Variants in DRC11 observed in about 807,000 individuals in gnomAD.
The protein encoded by DRC11 is IQ and AAA domain-containing protein 1.
the DRC11 span, among the ~76,000 whole-genome samples, chr2:236,309,343 T>C: frequency 1.4e-4 from 21 of 152,244 alleles, 1 homozygote; most frequent in South Asian, 3.9e-3. The surrounding 1 kb of genome is among the most constrained non-coding windows in gnomAD (Gnocchi z 5.7). Flanking sequence ...TCAGTCCTAA[T>C]TACCCTTCCT....
chr2:236,320,252 C>T, the DRC11 span, among the ~76,000 whole-genome samples: 1 of 152,180 alleles, frequency 6.6e-6, no homozygotes, highest in Non-Finnish European at 1.5e-5. Context: ...GGTTTACAGC[C>T]CACAGTCTTG....
At chr2:236,485,604 C>T in the DRC11 span, among the ~76,000 whole-genome samples, 8 of 152,212 alleles carry the variant, frequency 5.3e-5, no homozygotes, top group Admixed American at 4.6e-4. Context: ...TGGTCCCCTT[C>T]TCTGGTCATA....
At chr2:236,331,697 T>C in the DRC11 span, 1 of 829,432 alleles carries the variant, frequency 1.2e-6, no homozygotes, top group Non-Finnish European at 1.9e-6. This position sits in a 1 kb window ranked among gnomAD's most constrained non-coding sequence, Gnocchi z 4.8. Context: ...AAGAAAGGAA[T>C]ACACAGAAGT....
chr2:236,392,552 TA>T, the DRC11 span, among the ~76,000 whole-genome samples: 3 of 151,992 alleles, frequency 2.0e-5, no homozygotes, highest in African/African-American at 4.8e-5. The surrounding 1 kb of genome is among the most constrained non-coding windows in gnomAD (Gnocchi z 5.1). Flanking sequence ...GTAAATGCAC[TA>T]AAAAAAGAAA....
the DRC11 span, among the ~76,000 whole-genome samples, chr2:236,435,220 T>C: frequency 1.3e-5 from 2 of 152,270 alleles, no homozygotes; most frequent in Non-Finnish European, 2.9e-5. Context: ...GAGAACTTCA[T>C]GTTACTTAAC....
the DRC11 span, among the ~76,000 whole-genome samples, chr2:236,461,941 C>G: frequency 9.3e-4 from 142 of 152,084 alleles, no homozygotes; most frequent in Non-Finnish European, 1.7e-3. The surrounding 1 kb of genome is among the most constrained non-coding windows in gnomAD (Gnocchi z 4.0). Flanking sequence ...AAAGCACTAT[C>G]AACTTGAACA....
chr2:236,408,294 G>A, the DRC11 span: 15 of 822,572 alleles, frequency 1.8e-5, no homozygotes, highest in Non-Finnish European at 3.0e-5. This position sits in a 1 kb window ranked among gnomAD's most constrained non-coding sequence, Gnocchi z 5.5. Flanking sequence ...AGGCCACACA[G>A]GCAGGATGCC....
chr2:236,486,003 C>T, the DRC11 span, among the ~76,000 whole-genome samples: 5 of 152,194 alleles, frequency 3.3e-5, no homozygotes, highest in African/African-American at 7.2e-5. The surrounding 1 kb of genome is among the most constrained non-coding windows in gnomAD (Gnocchi z 5.7). Flanking sequence ...TGCTTCTAAC[C>T]AATATGATAG....
chr2:236,474,813 T>G, the DRC11 span, among the ~76,000 whole-genome samples: 10 of 152,160 alleles, frequency 6.6e-5, no homozygotes, highest in African/African-American at 2.4e-4. Flanking sequence ...TTTTTTTGTT[T>G]TGTAAAATGT....
At chr2:236,420,610 A>C in the DRC11 span, among the ~76,000 whole-genome samples, 3 of 152,126 alleles carry the variant, frequency 2.0e-5, no homozygotes, top group Non-Finnish European at 4.4e-5. The surrounding 1 kb of genome is among the most constrained non-coding windows in gnomAD (Gnocchi z 4.8). Flanking sequence ...ATCTTTTCCC[A>C]GCCTAGGCAA....
the DRC11 span, chr2:236,497,384 A>G: frequency 6.2e-7 from 1 of 1,613,928 alleles, no homozygotes. This position sits in a 1 kb window ranked among gnomAD's most constrained non-coding sequence, Gnocchi z 5.1. Flanking sequence ...AATGTTTGAA[A>G]GATGAAAACC....
At chr2:236,420,241 C>G in the DRC11 span, among the ~76,000 whole-genome samples, 1 of 152,200 alleles carries the variant, frequency 6.6e-6, no homozygotes, top group Non-Finnish European at 1.5e-5. This position sits in a 1 kb window ranked among gnomAD's most constrained non-coding sequence, Gnocchi z 4.8. Flanking sequence ...GCCAGGGACA[C>G]ACAGCTAGTG....
At chr2:236,486,706 C>T in the DRC11 span, 15 of 693,634 alleles carry the variant, frequency 2.2e-5, 1 homozygote, top group South Asian at 2.4e-4. This position sits in a 1 kb window ranked among gnomAD's most constrained non-coding sequence, Gnocchi z 5.7. Context: ...ATGGGTGACT[C>T]CATTCCATTA....
the DRC11 span, among the ~76,000 whole-genome samples, chr2:236,416,320 GT>G: frequency 1.3e-5 from 2 of 152,138 alleles, no homozygotes; most frequent in Non-Finnish European, 2.9e-5. Context: ...CAGAAGTGGT[GT>G]AACCTCGCCT....
the DRC11 span, chr2:236,407,968 A>G: frequency 1.9e-6 from 1 of 537,146 alleles, no homozygotes; most frequent in Non-Finnish European, 3.7e-6. Context: ...AGTGGTGTCA[A>G]TGAACTTAAG....
At chr2:236,437,792 T>C in the DRC11 span, among the ~76,000 whole-genome samples, 6 of 151,940 alleles carry the variant, frequency 3.9e-5, no homozygotes, top group Non-Finnish European at 8.8e-5. Flanking sequence ...TGGGGTCGTT[T>C]GTTTTTTTCT....
the DRC11 span, among the ~76,000 whole-genome samples, chr2:236,320,432 T>A: frequency 6.6e-6 from 1 of 152,288 alleles, no homozygotes; most frequent in South Asian, 2.1e-4. Context: ...CTACCACAAT[T>A]ACGGTCTTCA....
the DRC11 span, among the ~76,000 whole-genome samples, chr2:236,354,837 G>A: frequency 0.01 from 1,532 of 152,246 alleles, 12 homozygotes; most frequent in Middle Eastern, 0.017. Context: ...GCTCCCTGTC[G>A]TCACTGGACA....
chr2:236,496,796 A>G, the DRC11 span, among the ~76,000 whole-genome samples: 1 of 152,232 alleles, frequency 6.6e-6, no homozygotes, highest in Non-Finnish European at 1.5e-5. The surrounding 1 kb of genome is among the most constrained non-coding windows in gnomAD (Gnocchi z 6.3). Flanking sequence ...GAGAGATTCC[A>G]TGGAAACAGA....
Sources: gnomAD v4.1 joint callset for allele counts (sites outside exome capture counted in the v4.1 genomes callset) on GRCh38, gnomAD v4.1.1 for gene constraint, Gnocchi (gnomAD v3.1) non-coding constraint, MANE v1.5 for transcripts, NCBI Gene and HGNC (gene_info 2026-07-23, HGNC 2026-07-21) for gene names.